The following PTPA variants were observed in gnomAD, a reference collection of about 807,000 sequenced individuals.
The protein encoded by PTPA is protein phosphatase 2 phosphatase activator, also known as serine/threonine-protein phosphatase 2A activator.
Under a neutral mutation model 43.6 loss-of-function variants are expected in PTPA, and 13 were observed. The ratio of observed to expected loss-of-function variants is 0.30; its 90% CI spans 0.19 to 0.47. The LOEUF is 0.47. Ranked by LOEUF, PTPA falls within the 20% of genes least tolerant of loss-of-function variation. The probability of loss-of-function intolerance (pLI) is 0.99; values close to 1 mark genes in which losing one functional copy is unlikely to be tolerated. For missense variants in PTPA, 329 were observed against 411.9 expected (o/e 0.80, Z 1.74); for synonymous variants, 172 against 158.2 (o/e 1.09, Z -0.66).
chr9:129,141,462 C>A (rs917794412), intron 8 of PTPA, among the ~76,000 whole-genome samples: 1 of 152,162 alleles, frequency 6.6e-6, no homozygotes, highest in Non-Finnish European at 1.5e-5. Flanking sequence ...GAGCCCTGTT[C>A]CCCTGTAAAT....
At chr9:129,111,365 G>A (rs1848463084), upstream of PTPA, 9 of 1,205,226 alleles carry the variant, frequency 7.5e-6, no homozygotes, top group South Asian at 8.5e-5. Flanking sequence ...CCGGTTCCGC[G>A]CGTCCGCCGC....
chr9:129,140,228 C>G (rs763193453), intron 8 of PTPA: 1 of 152,664 alleles, frequency 6.6e-6, no homozygotes, highest in African/African-American at 2.4e-5. Flanking sequence ...GCAGCTCGCT[C>G]GCTCATTCTG....
At chr9:129,128,146 C>A in intron 3 of PTPA, 1 of 956,852 alleles carries the variant, frequency 1.0e-6, no homozygotes, top group Non-Finnish European at 1.5e-6. Flanking sequence ...GGTCTCACAG[C>A]AGCTAAATGG....
chr9:129,125,257 G>A (rs1849500705), intron 3 of PTPA, among the ~76,000 whole-genome samples: 1 of 151,694 alleles, frequency 6.6e-6, no homozygotes, highest in South Asian at 2.1e-4. Flanking sequence ...CACCAAGCAG[G>A]TATTGTCTTT....
At chr9:129,144,248 A>G (rs570418115) in intron 9 of PTPA, among the ~76,000 whole-genome samples, 63 of 152,042 alleles carry the variant, frequency 4.1e-4, no homozygotes, top group Middle Eastern at 3.4e-3. Context: ...TCCACTCTGC[A>G]CAGGCTGTCG....
In PTPA at chr9:129,136,459, C is replaced by T. The variant is rs755048723; in HGVS notation, c.561-12C>T. ...TTTTTGCTACCTTCCCTTTCCCTGT[C>T]CTCCTGTGCAGGTACCTTGAGGTTA... On this transcript the variant is annotated splice_polypyrimidine_tract_variant and intron_variant, in intron 6 of 9. Transcript: ENST00000393370. 1.9e-5 allele frequency: 31 copies of T among 1,605,860 alleles called. No homozygotes were observed. In the African/African-American group the frequency reaches 2.0e-4, roughly 10 times the overall value.
Position 129,131,622 on chromosome 9 carries a change from G to T in PTPA, c.443G>T (p.Arg148Leu). The T allele has an allele frequency of 6.2e-7, 1 of 1,614,038 alleles. No homozygotes were observed. ...YLKESVGNST[R>L]IDYGTGHEAA... ...AAGGAGTCAGTGGGGAACTCCACGC[G>T]CATTGACTACGGCACAGGTATCTGC... The change falls in exon 5 of 10, where the codon CGC becomes CTC. Residue 148 changes from arginine (R) to leucine (L), a missense_variant. Coordinates refer to ENST00000393370, the MANE Select transcript of PTPA (RefSeq NM_178000.3).
intron 3 of PTPA, among the ~76,000 whole-genome samples, chr9:129,125,875 G>A (rs932187744): frequency 6.6e-6 from 1 of 152,180 alleles, no homozygotes; most frequent in East Asian, 1.9e-4. Context: ...TTGGCTGGGC[G>A]CGGTGGCTCA....
chr9:129,138,767 C>T (rs1453679162), intron 8 of PTPA, among the ~76,000 whole-genome samples: 1 of 152,204 alleles, frequency 6.6e-6, no homozygotes, highest in Non-Finnish European at 1.5e-5. Context: ...TCTTCCTGGT[C>T]AACATTCGGC....
chr9:129,134,599 C>T (rs980972557), intron 5 of PTPA, among the ~76,000 whole-genome samples, 196 bp from the exon 6 acceptor site: 1 of 152,112 alleles, frequency 6.6e-6, no homozygotes, highest in African/African-American at 2.4e-5. Flanking sequence ...CCACCATGCA[C>T]GGCCAGTACT....
At chr9:129,128,389 A>C (rs1038741722) in intron 3 of PTPA, among the ~76,000 whole-genome samples, 4 of 152,074 alleles carry the variant, frequency 2.6e-5, no homozygotes, top group African/African-American at 9.7e-5. Flanking sequence ...TACAAAAATT[A>C]GCTGGGCGTG....
chr9:129,125,403 C>G (rs1849511295), intron 3 of PTPA, among the ~76,000 whole-genome samples: 1 of 152,082 alleles, frequency 6.6e-6, no homozygotes, highest in Admixed American at 6.6e-5. Context: ...AGGCGCCCAC[C>G]ACCACACCCG....
chr9:129,135,536 A>G (rs551866643), intron 6 of PTPA, among the ~76,000 whole-genome samples: 95 of 152,354 alleles, frequency 6.2e-4, no homozygotes, highest in African/African-American at 2.2e-3. Flanking sequence ...TCCATTTTAC[A>G]TATGAGGAAA....
intron 3 of PTPA, among the ~76,000 whole-genome samples, chr9:129,128,774 T>G (rs1219661805): frequency 2.6e-5 from 4 of 152,160 alleles, no homozygotes; most frequent in African/African-American, 9.7e-5. Context: ...CCCTGTCCCA[T>G]CAGCCTAGTG....
chr9:129,123,188 G>A, intron 3 of PTPA, 50 bp downstream of exon 3: 2 of 1,490,204 alleles, frequency 1.3e-6, no homozygotes, highest in Non-Finnish European at 1.9e-6. Flanking sequence ...AATAGCTCCA[G>A]AGTCACTGGG....
At chr9:129,143,011 G>A (rs775823504) in intron 9 of PTPA, 8 of 1,161,522 alleles carry the variant, frequency 6.9e-6, no homozygotes, top group Admixed American at 5.8e-5. Context: ...GGAGGTCTGA[G>A]GGTAGGCCGA....
chr9:129,137,808 C>T (rs750869215), intron 8 of PTPA, 116 bp downstream of exon 8: 14 of 955,198 alleles, frequency 1.5e-5, no homozygotes, highest in African/African-American at 3.3e-5. Context: ...ATGGCAGGGC[C>T]GGCCGGAGCG....
Position 129,131,565 on chromosome 9 carries a change from C to A in PTPA, c.386C>A (p.Ala129Glu). ...GCCACAGTGGTCCCTACCCATCTGG[C>A]AGCTGCTGTGCCTGAGGTGGCTGTT... ...LVATVVPTHL[A>E]AAVPEVAVYL... is the part of the protein sequence containing the mutation. Residue 129 changes from alanine (A) to glutamate (E), a missense_variant, in exon 5 of 10, where the codon GCA becomes GAA. Physicochemically the swap from Ala to Glu is moderately radical, Grantham distance 107. Coordinates refer to ENST00000393370, the MANE Select transcript of PTPA (RefSeq NM_178000.3). The A allele has an allele frequency of 6.2e-7, 1 of 1,614,086 alleles. No individual in the cohort carries two copies. Among genetic ancestry groups the A allele is most frequent in the East Asian group, 2.2e-5 (1 of 44,896 alleles).
intron 9 of PTPA, chr9:129,143,545 C>T (rs1434402375): frequency 1.9e-5 from 13 of 673,880 alleles, no homozygotes; most frequent in Non-Finnish European, 2.2e-5. Context: ...TGCCAGAGGC[C>T]AGCGGGGTGG....
Sources: allele counts gnomAD v4.1 joint callset (sites outside exome capture counted in the v4.1 genomes callset), GRCh38; gene constraint gnomAD v4.1.1; transcripts MANE v1.5; gene names NCBI Gene and HGNC (gene_info 2026-07-23, HGNC 2026-07-21).